Variants in RBM39 observed in about 807,000 individuals in gnomAD.
The protein encoded by RBM39 is RNA-binding protein 39.
Under a neutral mutation model 79.6 loss-of-function variants are expected in RBM39, and 12 were observed. The ratio of observed to expected loss-of-function variants is 0.15; its 90% CI spans 0.10 to 0.24. The LOEUF (loss-of-function observed/expected upper bound fraction) is 0.24. Among genes scored for constraint, RBM39 ranks in the 10% least tolerant of loss-of-function variants. The pLI is 1.00. For synonymous variants in RBM39, 185 were observed against 208.4 expected, an observed-to-expected ratio of 0.89 and a Z score of 0.97; for missense variants, 243 against 653.4, an observed-to-expected ratio of 0.37 and a Z score of 6.85.
At chr20:35,724,860 C>A in intron 7 of RBM39, 138 bp from the exon 8 acceptor site, 1 of 1,169,230 alleles carries the variant, frequency 8.6e-7, no homozygotes, top group East Asian at 2.5e-5. Context: ...TTCCTATATC[C>A]TATCTTTATC....
intron 4 of RBM39, 180 bp downstream of exon 4, chr20:35,731,761 T>C (rs1016599440): frequency 1.5e-6 from 1 of 654,262 alleles, no homozygotes; most frequent in Non-Finnish European, 2.6e-6. Flanking sequence ...AATTTTTACT[T>C]ATTTGTCTAT....
rs561912293 is a variant in RBM39, at chr20:35,713,062, T to C, written c.1131A>G (p.Gln377=). 31 of 1,613,884 alleles carry C rather than the reference T, an allele frequency of 1.9e-5. No homozygotes were observed. The highest frequency in any genetic ancestry group is 5.0e-5 in the Admixed American group (3 of 59,986). ...CCAAAGAGCCACTCATCTGTAGAGC[T>C]TGCTGTGCTGCTGGCGGAATCTGCA... ...TGLQIPPAAQ[Q]ALQMSGSLAF... Residue 377 remains glutamine (Q), a synonymous_variant, in exon 12 of 17, where the codon CAA becomes CAG. Transcript: ENST00000253363.
intron 1 of RBM39, 143 bp from the exon 2 acceptor site, chr20:35,741,030 C>CTTTTTTTTCTTT: frequency 8.1e-6 from 1 of 123,790 alleles, no homozygotes; most frequent in Non-Finnish European, 1.4e-5. Context: ...AAACATTTTT[C>CTTTTTTTTCTTT]TTTTTTTTTT....
chr20:35,713,287 G>C (rs2036669789), intron 11 of RBM39, 191 bp from the exon 12 acceptor site: 1 of 475,410 alleles, frequency 2.1e-6, no homozygotes, highest in African/African-American at 2.0e-5. Flanking sequence ...CAGAGATCGA[G>C]ACCAACCTGG....
At chr20:35,716,582 G>C (rs771400732) in intron 10 of RBM39, among the ~76,000 whole-genome samples, 158 bp downstream of exon 10, 1 of 151,860 alleles carries the variant, frequency 6.6e-6, no homozygotes, top group Non-Finnish European at 1.5e-5. Flanking sequence ...AAACTTTTTT[G>C]ATCGGACACA....
intron 3 of RBM39, 87 bp from the exon 4 acceptor site, chr20:35,732,222 T>G: frequency 8.1e-7 from 1 of 1,233,520 alleles, no homozygotes; most frequent in South Asian, 1.3e-5. Flanking sequence ...CATTTTTTCA[T>G]CCTTTCATAA....
chr20:35,711,188 A>T (rs1266302889), intron 12 of RBM39, among the ~76,000 whole-genome samples: 1 of 152,224 alleles, frequency 6.6e-6, no homozygotes, highest in African/African-American at 2.4e-5. Context: ...GAAGGCAGGA[A>T]GAAATCTTTC....
intron 6 of RBM39, among the ~76,000 whole-genome samples, chr20:35,725,748 C>G (rs564727204): frequency 6.6e-5 from 10 of 151,682 alleles, no homozygotes; most frequent in Admixed American, 6.6e-4. Flanking sequence ...CCACAACCTC[C>G]GCCTCCCTGA....
intron 2 of RBM39, chr20:35,740,291 A>C (rs1669484279): frequency 4.5e-6 from 1 of 221,322 alleles, no homozygotes; most frequent in African/African-American, 2.3e-5. Context: ...AAGATTTACT[A>C]TCACCAGTCT....
intron 6 of RBM39, among the ~76,000 whole-genome samples, chr20:35,727,457 G>A (rs374575989): frequency 3.4e-5 from 5 of 148,126 alleles, no homozygotes; most frequent in African/African-American, 7.5e-5. Context: ...TCCTTGAACC[G>A]AAATCGTAGA....
intron 13 of RBM39, 22 bp from the exon 14 acceptor site, chr20:35,707,223 T>A: frequency 6.4e-7 from 1 of 1,570,926 alleles, no homozygotes; most frequent in South Asian, 1.1e-5. Context: ...AAGAGAAAAA[T>A]TAGTTTCATG....
intron 3 of RBM39, among the ~76,000 whole-genome samples, chr20:35,737,988 T>C (rs1003125121): frequency 2.1e-4 from 32 of 150,402 alleles, no homozygotes; most frequent in African/African-American, 6.1e-4. Flanking sequence ...ACTCCCTCTC[T>C]ACTAAAAATA....
chr20:35,731,743 TA>T, intron 4 of RBM39, 197 bp downstream of exon 4: 2 of 614,210 alleles, frequency 3.3e-6, no homozygotes, highest in South Asian at 2.1e-5. Flanking sequence ...GTATGCCTAG[TA>T]AAAGCAAATT....
At chr20:35,704,628 G>A in intron 16 of RBM39, 40 bp downstream of exon 16, 1 of 1,609,542 alleles carries the variant, frequency 6.2e-7, no homozygotes. Context: ...TCATTATAGA[G>A]CCTTAATAAC....
At chr20:35,741,212 T>C (rs1040053936) in intron 1 of RBM39, among the ~76,000 whole-genome samples, 2 of 151,576 alleles carry the variant, frequency 1.3e-5, no homozygotes, top group Non-Finnish European at 2.9e-5. Flanking sequence ...TTTTGTATTT[T>C]TGGTAGAGAC....
Position 35,724,739 on chromosome 20 carries a change from G to T in RBM39, c.535-17C>A. The T allele has an allele frequency of 6.2e-7, 1 of 1,611,766 alleles. No homozygotes were observed. The highest frequency in any genetic ancestry group is 1.1e-5 in the South Asian group (1 of 90,920). On this transcript the variant is annotated splice_polypyrimidine_tract_variant and intron_variant, in intron 7 of 16. Transcript: ENST00000253363. ...ATCTCGAACCTAGAAAGAAAACACA[G>T]TTGTTTGTGCAAACATCCATTGTAA...
intron 8 of RBM39, among the ~76,000 whole-genome samples, chr20:35,723,860 G>A (rs1412015758): frequency 2.6e-5 from 4 of 152,174 alleles, no homozygotes; most frequent in Non-Finnish European, 5.9e-5. Flanking sequence ...GAGCAACATG[G>A]CAAGACCCTG....
chr20:35,720,945 TA>T (rs1291780853), intron 9 of RBM39, among the ~76,000 whole-genome samples: 5 of 151,384 alleles, frequency 3.3e-5, no homozygotes, highest in African/African-American at 1.2e-4. Context: ...GGAGACAGAG[TA>T]ATGTCTTTTT....
intron 14 of RBM39, among the ~76,000 whole-genome samples, chr20:35,705,806 A>G (rs1038208895): frequency 1.3e-5 from 2 of 152,146 alleles, no homozygotes; most frequent in African/African-American, 2.4e-5. Context: ...AAAAAAGTTA[A>G]AAGATACAGA....
Sources: gnomAD v4.1 joint callset for allele counts (sites outside exome capture counted in the v4.1 genomes callset) on GRCh38, gnomAD v4.1.1 for gene constraint, MANE v1.5 for transcripts, NCBI Gene and HGNC (gene_info 2026-07-23, HGNC 2026-07-21) for gene names.